FNDC3B: variants seen among roughly 807,000 people sequenced by gnomAD.
The protein encoded by FNDC3B is fibronectin type III domain containing 3B, also known as fibronectin type III domain-containing protein 3B.
A neutral mutation model predicts 151.5 loss-of-function variants in FNDC3B; 12 were observed. That is an observed-to-expected ratio of 0.08 (90% CI 0.05 to 0.13). FNDC3B has a LOEUF of 0.13. Among genes scored for constraint, FNDC3B ranks in the 10% least tolerant of loss-of-function variants. The pLI is 1.00. For synonymous variants in FNDC3B, 528 were observed against 549.0 expected (o/e 0.96, Z 0.54); for missense variants, 1,214 against 1,505.3 (o/e 0.81, Z 3.20).
Position 172,297,612 on chromosome 3 carries a change from T to C in FNDC3B, c.1002-1116T>C, listed in dbSNP as rs537159600. Among the ~76,000 whole-genome samples the C allele has an allele frequency of 2.2e-3, 329 of 152,184 alleles. 1 individual carries two copies. Among genetic ancestry groups the C allele is most frequent in the African/African-American group, 4.4e-3 (182 of 41,540 alleles). On this transcript the variant is annotated intron_variant, in intron 8 of 25. Coordinates refer to ENST00000415807, the MANE Select transcript of FNDC3B (RefSeq NM_022763.4). ...GCCTCAGCCTCCTGAGTAGGTAGGATTACAGGTGCCCGCCACCACGCCCGG... is the reference window on the plus strand; with the variant it reads ...GCCTCAGCCTCCTGAGTAGGTAGGACTACAGGTGCCCGCCACCACGCCCGG...
intron 1 of FNDC3B, among the ~76,000 whole-genome samples, chr3:172,105,240 C>T (rs922821268): frequency 6.6e-6 from 1 of 152,032 alleles, no homozygotes; most frequent in Non-Finnish European, 1.5e-5. Flanking sequence ...TTTTTCTTTT[C>T]TTTTTTCTGT....
At chr3:172,081,963 TGAA>T (rs1339828301) in intron 1 of FNDC3B, among the ~76,000 whole-genome samples, 1 of 152,234 alleles carries the variant, frequency 6.6e-6, no homozygotes, top group Admixed American at 6.5e-5. Flanking sequence ...ATTGTTAACT[TGAA>T]GCACATTTAT....
intron 13 of FNDC3B, among the ~76,000 whole-genome samples, chr3:172,331,578 T>G (rs192612134): frequency 1.3e-5 from 2 of 152,062 alleles, no homozygotes; most frequent in East Asian, 3.9e-4. Context: ...GCCAGGATGG[T>G]CTCCATCTCC....
chr3:172,243,175 T>C (rs1727586439), intron 4 of FNDC3B, among the ~76,000 whole-genome samples: 1 of 152,192 alleles, frequency 6.6e-6, no homozygotes, highest in Non-Finnish European at 1.5e-5. Flanking sequence ...TCTAGGGAGT[T>C]CCAGACTTTC....
chr3:172,155,803 A>G (rs1399094381), intron 3 of FNDC3B, among the ~76,000 whole-genome samples: 1 of 152,202 alleles, frequency 6.6e-6, no homozygotes, highest in South Asian at 2.1e-4. Context: ...TTCTTGAACC[A>G]TGCCTTGGTG....
At chr3:172,249,233 G>A (rs140916462) in intron 5 of FNDC3B, among the ~76,000 whole-genome samples, 10 of 152,220 alleles carry the variant, frequency 6.6e-5, no homozygotes, top group African/African-American at 2.4e-4. Context: ...TTGCTTGCTG[G>A]TATATGTCTG....
chr3:172,395,891 T>C (rs1736251737), intron 25 of FNDC3B, among the ~76,000 whole-genome samples: 1 of 152,150 alleles, frequency 6.6e-6, no homozygotes, highest in South Asian at 2.1e-4. Flanking sequence ...CCCTCTAGGA[T>C]AGCTAAAATA....
intron 2 of FNDC3B, among the ~76,000 whole-genome samples, chr3:172,127,709 A>G (rs186981970): frequency 5.7e-4 from 87 of 152,278 alleles, no homozygotes; most frequent in African/African-American, 2.0e-3. Context: ...ATTTTGAGAC[A>G]GTCTCACTGT....
At chr3:172,320,878 G>T (rs1328876640) in intron 11 of FNDC3B, among the ~76,000 whole-genome samples, 2 of 152,186 alleles carry the variant, frequency 1.3e-5, no homozygotes, top group Non-Finnish European at 2.9e-5. Flanking sequence ...AGGATACTAA[G>T]TTAGTAAAGA....
intron 21 of FNDC3B, among the ~76,000 whole-genome samples, chr3:172,349,522 T>C (rs919298562): frequency 4.6e-5 from 7 of 152,172 alleles, no homozygotes; most frequent in Non-Finnish European, 1.0e-4. Flanking sequence ...AATCAAGAAA[T>C]GTTTTCCATA....
chr3:172,338,778 A>C (rs1302945709), intron 16 of FNDC3B, among the ~76,000 whole-genome samples: 1 of 152,164 alleles, frequency 6.6e-6, no homozygotes, highest in Admixed American at 6.6e-5. Flanking sequence ...TCTGTCGCCC[A>C]GGCGACAGAG....
rs1046504265 is a variant in FNDC3B, at chr3:172,039,853, G to A, written c.-29+82G>A. On this transcript the variant is annotated intron_variant, in intron 1 of 25. Transcript: ENST00000415807. ...GGGTCCCGGTGCACTGGAAAGCCCC[G>A]GCCTGACGCCGAGTCCGCCAAAGTG... 4.6e-5 allele frequency: 7 copies of A among 152,336 alleles called. 1 individual carries two copies. Among genetic ancestry groups the A allele is most frequent in the Non-Finnish European group, 7.3e-5 (5 of 68,106 alleles). 9.4% of individuals were successfully genotyped at this position (152,336 alleles called of 1,614,324 possible).
chr3:172,192,947 A>T (rs1428440801), intron 3 of FNDC3B, among the ~76,000 whole-genome samples: 2 of 152,128 alleles, frequency 1.3e-5, no homozygotes, highest in Admixed American at 6.5e-5. Flanking sequence ...AGAATTTATT[A>T]TCTGTAGAGT....
chr3:172,301,263 T>A (rs1271310622), intron 9 of FNDC3B, among the ~76,000 whole-genome samples: 1 of 152,228 alleles, frequency 6.6e-6, no homozygotes, highest in Non-Finnish European at 1.5e-5. Context: ...TTCCAAGCTG[T>A]GAAAATAAAA....
chr3:172,223,310 T>G (rs73880127), intron 3 of FNDC3B, among the ~76,000 whole-genome samples: 15,779 of 152,230 alleles, frequency 0.1, 1,476 homozygotes, highest in African/African-American at 0.26. Context: ...ATGGTTTATT[T>G]CAGAAAGGAG....
chr3:172,321,891 G>A (rs1360100057), intron 11 of FNDC3B, among the ~76,000 whole-genome samples: 1 of 152,126 alleles, frequency 6.6e-6, no homozygotes, highest in African/African-American at 2.4e-5. Context: ...ACCATGCCCA[G>A]CCAGACATTT....
At chr3:172,168,384 A>G (rs1723112644) in intron 3 of FNDC3B, among the ~76,000 whole-genome samples, 1 of 152,170 alleles carries the variant, frequency 6.6e-6, no homozygotes, top group Non-Finnish European at 1.5e-5. Flanking sequence ...TGGGAACCAG[A>G]GAAGGAGTTC....
chr3:172,042,928 T>A (rs1716162930), intron 1 of FNDC3B, among the ~76,000 whole-genome samples: 1 of 151,802 alleles, frequency 6.6e-6, no homozygotes, highest in South Asian at 2.1e-4. Context: ...TCCGCCTTGC[T>A]GGTTGAGATG....
At chr3:172,384,233 A>T (rs1271992358) in intron 25 of FNDC3B, among the ~76,000 whole-genome samples, 1 of 152,240 alleles carries the variant, frequency 6.6e-6, no homozygotes, top group Non-Finnish European at 1.5e-5. Flanking sequence ...CCTAAATATG[A>T]CATCTACCAG....
Sources: gnomAD v4.1 joint callset for allele counts (sites outside exome capture counted in the v4.1 genomes callset) on GRCh38, gnomAD v4.1.1 for gene constraint, MANE v1.5 for transcripts, NCBI Gene and HGNC (gene_info 2026-07-23, HGNC 2026-07-21) for gene names.